MAP7: variants seen among roughly 807,000 people sequenced by gnomAD.
MAP7 encodes ensconsin.
Under a neutral mutation model 94.8 loss-of-function variants are expected in MAP7, and 52 were observed. That is an observed-to-expected ratio of 0.55 (90% CI 0.44 to 0.69). The LOEUF is 0.69. MAP7 is among the 30% of genes least tolerant of loss of function. The pLI is 0.00. For missense variants in MAP7, 940 were observed against 964.6 expected (o/e 0.97, Z 0.34); for synonymous variants, 350 against 357.0 (o/e 0.98, Z 0.22).
intron 1 of MAP7, among the ~76,000 whole-genome samples, chr6:136,541,620 C>T (rs1232590077): frequency 6.6e-6 from 1 of 152,184 alleles, no homozygotes; most frequent in Non-Finnish European, 1.5e-5. Flanking sequence ...CTCCTCTGTG[C>T]CATCTGGTCA....
intron 1 of MAP7, among the ~76,000 whole-genome samples, chr6:136,453,260 T>C (rs922282842): frequency 6.6e-6 from 1 of 152,220 alleles, no homozygotes; most frequent in Non-Finnish European, 1.5e-5. Context: ...CTCGTGGGTA[T>C]AATTTCAAAA....
chr6:136,463,403 C>T (rs1805901618), intron 1 of MAP7, among the ~76,000 whole-genome samples: 1 of 152,104 alleles, frequency 6.6e-6, no homozygotes, highest in Non-Finnish European at 1.5e-5. Context: ...ACATAAATGG[C>T]TAAATTGTGA....
intron 1 of MAP7, among the ~76,000 whole-genome samples, chr6:136,455,751 A>G (rs1166782319): frequency 6.6e-6 from 1 of 152,184 alleles, no homozygotes; most frequent in African/African-American, 2.4e-5. Context: ...ACCCCAAATA[A>G]TCTTTATTTA....
chr6:136,520,216 A>G (rs56933442), intron 1 of MAP7, among the ~76,000 whole-genome samples: 7,952 of 147,564 alleles, frequency 0.054, 410 homozygotes, highest in East Asian at 0.24. Flanking sequence ...AAAAAAAAAA[A>G]GGGGGGAGGA....
At chr6:136,375,026 T>C (rs368022014) in intron 7 of MAP7, among the ~76,000 whole-genome samples, 14 of 152,264 alleles carry the variant, frequency 9.2e-5, no homozygotes, top group African/African-American at 3.4e-4. Context: ...TCCCACAATA[T>C]ATGTATTTGA....
intron 1 of MAP7, among the ~76,000 whole-genome samples, chr6:136,493,568 G>C (rs780611791): frequency 3.9e-5 from 6 of 152,112 alleles, no homozygotes; most frequent in Non-Finnish European, 8.8e-5. Context: ...GAGCGCACTT[G>C]CCACACCTGG....
At chr6:136,543,542 C>T (rs953736864) in intron 1 of MAP7, among the ~76,000 whole-genome samples, 5 of 151,992 alleles carry the variant, frequency 3.3e-5, no homozygotes, top group African/African-American at 9.7e-5. Context: ...CACAGCTATC[C>T]GGGAGGCTGA....
At chr6:136,351,935 C>A (rs549761126) in intron 16 of MAP7, among the ~76,000 whole-genome samples, 2 of 152,228 alleles carry the variant, frequency 1.3e-5, no homozygotes, top group East Asian at 3.9e-4. Context: ...CAGCAGCCTC[C>A]CCCCAGCACC....
At chr6:136,393,184 A>G (rs1781262668) in intron 3 of MAP7, among the ~76,000 whole-genome samples, 1 of 152,102 alleles carries the variant, frequency 6.6e-6, no homozygotes, top group Non-Finnish European at 1.5e-5. Flanking sequence ...TGCTCTCCAA[A>G]ATAGCCTCTG....
chr6:136,526,087 A>T (rs1450602378), intron 1 of MAP7: 3 of 1,426,240 alleles, frequency 2.1e-6, no homozygotes, highest in Non-Finnish European at 1.8e-6. Flanking sequence ...CACTTGTAAT[A>T]GATCCCCTAT....
At chr6:136,457,357 G>A (rs1460269560) in intron 1 of MAP7, among the ~76,000 whole-genome samples, 1 of 149,698 alleles carries the variant, frequency 6.7e-6, no homozygotes, top group East Asian at 1.9e-4. Context: ...AAAAGCTCAG[G>A]ACCAGATGGC....
Position 136,444,876 on chromosome 6 carries a change from C to T in MAP7, c.68-23077G>A, listed in dbSNP as rs577305730. 3.6e-4 allele frequency among the ~76,000 whole-genome samples: 55 copies of T among 152,282 alleles called. 2 individuals are homozygous for T. In the South Asian group the frequency reaches 0.01, roughly 29 times the overall value. On this transcript the variant is annotated intron_variant, in intron 1 of 17. Coordinates refer to ENST00000354570, the MANE Select transcript of MAP7 (RefSeq NM_003980.6). Reference sequence around the variant, plus strand: ...TGCTACTTGAAGCTTCAATTCTGGGCCTTTCATGCCTAAAACTTCAGCAAA... The same window carrying T: ...TGCTACTTGAAGCTTCAATTCTGGGTCTTTCATGCCTAAAACTTCAGCAAA...
intron 6 of MAP7, among the ~76,000 whole-genome samples, chr6:136,378,899 G>A (rs569122462): frequency 7.2e-5 from 11 of 152,270 alleles, no homozygotes; most frequent in African/African-American, 2.6e-4. Context: ...AGTTTTGTTT[G>A]TGTTTTTGTT....
intron 1 of MAP7, among the ~76,000 whole-genome samples, chr6:136,537,638 TA>T (rs1354082026): frequency 1.3e-5 from 2 of 152,222 alleles, no homozygotes; most frequent in Non-Finnish European, 2.9e-5. Context: ...CACATTTTAA[TA>T]TTTCAAAGGT....
intron 7 of MAP7, among the ~76,000 whole-genome samples, chr6:136,373,026 A>C (rs1369293911): frequency 1.3e-5 from 2 of 152,246 alleles, no homozygotes; most frequent in Non-Finnish European, 2.9e-5. Context: ...TATAAAGACT[A>C]GTTTATAACC....
At chr6:136,424,826 G>C (rs1792652177) in intron 1 of MAP7, among the ~76,000 whole-genome samples, 1 of 152,202 alleles carries the variant, frequency 6.6e-6, no homozygotes, top group African/African-American at 2.4e-5. Flanking sequence ...ACCATCCTGA[G>C]TTTAAATCTC....
Position 136,429,562 on chromosome 6 carries a change from C to T in MAP7, c.68-7763G>A, listed in dbSNP as rs375130366. ...TGTTATGTAGCCAAATAATTATCCA[C>T]CCTAGCTAAACATGAGGAAAAGGAT... On this transcript the variant is annotated intron_variant, in intron 1 of 17. Coordinates refer to ENST00000354570, the MANE Select transcript of MAP7 (RefSeq NM_003980.6). 1.6e-4 allele frequency among the ~76,000 whole-genome samples: 24 copies of T among 152,276 alleles called. No homozygotes were observed. The South Asian group carries it at 4.6e-3, about 29-fold the overall frequency.
intron 1 of MAP7, among the ~76,000 whole-genome samples, chr6:136,433,334 T>C (rs1051341740): frequency 6.6e-6 from 1 of 152,246 alleles, no homozygotes; most frequent in African/African-American, 2.4e-5. Context: ...ATAAGTGCTC[T>C]ATTAAATCTT....
chr6:136,414,095 A>G (rs1158607410), intron 2 of MAP7, among the ~76,000 whole-genome samples: 9 of 150,162 alleles, frequency 6.0e-5, no homozygotes, highest in African/African-American at 2.2e-4. Flanking sequence ...TAAAAATACA[A>G]AAAAAAAATT....
Sources: allele counts gnomAD v4.1 joint callset (sites outside exome capture counted in the v4.1 genomes callset), GRCh38; gene constraint gnomAD v4.1.1; transcripts MANE v1.5; gene names NCBI Gene and HGNC (gene_info 2026-07-23, HGNC 2026-07-21).